DNAJB14: variants seen among roughly 807,000 people sequenced by gnomAD.
The protein encoded by DNAJB14 is DnaJ heat shock protein family (Hsp40) member B14, also known as dnaJ homolog subfamily B member 14.
DNAJB14 carries 22 observed loss-of-function variants against 48.4 expected under a neutral mutation model. That is an observed-to-expected ratio of 0.45 (90% CI 0.32 to 0.65). The LOEUF (loss-of-function observed/expected upper bound fraction) is 0.65, where lower values mean the gene tolerates loss of function less well. Among genes scored for constraint, DNAJB14 ranks in the 30% least tolerant of loss-of-function variants. DNAJB14 has a pLI of 0.03. For missense variants in DNAJB14, 319 were observed against 458.8 expected (o/e 0.70, Z 2.78); for synonymous variants, 142 against 158.7 (o/e 0.89, Z 0.79).
intron 3 of DNAJB14, among the ~76,000 whole-genome samples, chr4:99,922,288 G>C (rs533714328): frequency 3.3e-5 from 5 of 152,236 alleles, no homozygotes; most frequent in African/African-American, 1.2e-4. Flanking sequence ...TCTACTTCCA[G>C]TTATTCTAAG....
intron 1 of DNAJB14, 115 bp from the exon 2 acceptor site, chr4:99,930,736 C>T: frequency 8.7e-7 from 1 of 1,145,134 alleles, no homozygotes; most frequent in Admixed American, 2.8e-5. Context: ...AAAGATTCAC[C>T]ATAGGATCTT....
chr4:99,937,277 A>AC (rs1439108641), intron 1 of DNAJB14, among the ~76,000 whole-genome samples: 1 of 151,994 alleles, frequency 6.6e-6, no homozygotes, highest in African/African-American at 2.4e-5. Context: ...AGATCGCGCC[A>AC]TACACTCCAG....
At chr4:99,909,792 A>G (rs1044787920) in intron 3 of DNAJB14, among the ~76,000 whole-genome samples, 3 of 151,976 alleles carry the variant, frequency 2.0e-5, no homozygotes, top group Non-Finnish European at 4.4e-5. Flanking sequence ...GCCCCACATA[A>G]AAACTAATGT....
In DNAJB14 at chr4:99,907,371, T is replaced by C. The variant is rs1013737513; in HGVS notation, c.638-760A>G. 1.3e-5 allele frequency among the ~76,000 whole-genome samples: 2 copies of C among 152,246 alleles called. 1 individual carries two copies. Among genetic ancestry groups the C allele is most frequent in the African/African-American group, 4.8e-5 (2 of 41,562 alleles). On this transcript the variant is annotated intron_variant, in intron 4 of 7. Coordinates refer to ENST00000442697, the MANE Select transcript of DNAJB14 (RefSeq NM_001031723.4). ...TTCAAGGATGCTTTGCAAAACGTCC[T>C]ATCAATGACCACAACCTTGCCAGGC... is the stretch of plus-strand genomic sequence containing the variant.
At chr4:99,919,462 G>T (rs1725973198) in intron 3 of DNAJB14, among the ~76,000 whole-genome samples, 1 of 152,064 alleles carries the variant, frequency 6.6e-6, no homozygotes, top group African/African-American at 2.4e-5. Context: ...GCAGGCGCCT[G>T]TAATCCCAGC....
chr4:99,945,115 A>C (rs1389401000), intron 1 of DNAJB14, among the ~76,000 whole-genome samples: 2 of 152,230 alleles, frequency 1.3e-5, no homozygotes, highest in African/African-American at 4.8e-5. Context: ...AAGATGAAAA[A>C]GTTCTGAAGA....
intron 2 of DNAJB14, chr4:99,929,802 A>G (rs1265570209): frequency 2.0e-5 from 3 of 152,224 alleles, no homozygotes; most frequent in East Asian, 3.8e-4. Flanking sequence ...TAGCAAAGTA[A>G]TATCAGCACA....
intron 1 of DNAJB14, 105 bp from the exon 2 acceptor site, chr4:99,930,726 A>T (rs1407668943): frequency 8.0e-7 from 1 of 1,257,334 alleles, no homozygotes; most frequent in African/African-American, 1.5e-5. Flanking sequence ...TGTTCTCCAA[A>T]AAGATTCACC....
intron 7 of DNAJB14, among the ~76,000 whole-genome samples, chr4:99,903,432 C>A (rs948199299): frequency 6.6e-6 from 1 of 151,182 alleles, no homozygotes; most frequent in Non-Finnish European, 1.5e-5. Flanking sequence ...CTTGGTGGTA[C>A]ATAAAAGAAT....
chr4:99,924,796 G>C, intron 2 of DNAJB14: 4 of 1,592,258 alleles, frequency 2.5e-6, no homozygotes, highest in Non-Finnish European at 3.4e-6. Flanking sequence ...CCATATCAAT[G>C]TTCCAATATC....
chr4:99,945,973 A>G (rs969980583), intron 1 of DNAJB14, among the ~76,000 whole-genome samples: 3 of 152,222 alleles, frequency 2.0e-5, no homozygotes, highest in African/African-American at 4.8e-5. Context: ...CTTTGGGAAC[A>G]GTTTTCTACA....
At chr4:99,907,283 C>T (rs1215494387) in intron 4 of DNAJB14, among the ~76,000 whole-genome samples, 1 of 152,118 alleles carries the variant, frequency 6.6e-6, no homozygotes, top group African/African-American at 2.4e-5. Context: ...ATTATGTATT[C>T]TAACATGTCA....
chr4:99,941,373 C>T (rs1456538868), intron 1 of DNAJB14, among the ~76,000 whole-genome samples: 2 of 152,126 alleles, frequency 1.3e-5, no homozygotes, highest in African/African-American at 4.8e-5. Context: ...CAAATAATTA[C>T]TTTAACAAAT....
chr4:99,907,930 G>A (rs1725524693), intron 4 of DNAJB14, among the ~76,000 whole-genome samples: 2 of 152,158 alleles, frequency 1.3e-5, no homozygotes, highest in Admixed American at 6.5e-5. Flanking sequence ...ACGTCATCAA[G>A]AGGTCCTTGG....
In DNAJB14 at chr4:99,923,118, T is replaced by C. The variant is rs773829129; in HGVS notation, c.373A>G (p.Lys125Glu). 1 of 1,612,748 alleles carries C rather than the reference T, an allele frequency of 6.2e-7. No homozygotes were observed. Residue 125 changes from lysine (K) to glutamate (E), a missense_variant, in exon 3 of 8, where the codon AAA (lysine) becomes GAA (glutamate). Lys to Glu is a moderately conservative substitution (Grantham distance 56, BLOSUM62 1). This residue lies in a region of DNAJB14 where 37 missense variants were observed against 87.8 expected (regional missense o/e 0.42). Coordinates refer to ENST00000442697, the MANE Select transcript of DNAJB14 (RefSeq NM_001031723.4). The part of the protein sequence containing the change: ...VTKDAGDEDL[K>E]KAYRKLALKF... ...AAAGCAAGCTTTCTATAAGCTTTTT[T>C]CAAATCTTCATCACCAGCATCTTTC...
At chr4:99,906,647 C>A in intron 4 of DNAJB14, 36 bp from the exon 5 acceptor site, 4 of 1,472,216 alleles carry the variant, frequency 2.7e-6, no homozygotes, top group Non-Finnish European at 3.7e-6. Context: ...TTAGGGAGAG[C>A]AATTATGATC....
At chr4:99,928,554 G>A in intron 2 of DNAJB14, 1 of 441,124 alleles carries the variant, frequency 2.3e-6, no homozygotes, top group South Asian at 1.6e-5. Context: ...GAACAAAGAG[G>A]CATCAATGCT....
intron 4 of DNAJB14, 98 bp downstream of exon 4, chr4:99,908,613 A>G: frequency 1.1e-6 from 1 of 929,746 alleles, no homozygotes; most frequent in Non-Finnish European, 1.5e-6. Flanking sequence ...ACTACAAGAA[A>G]TGTAGGGGAA....
At chr4:99,927,209 C>T (rs778163489) in intron 2 of DNAJB14, 3 of 152,116 alleles carry the variant, frequency 2.0e-5, no homozygotes, top group Non-Finnish European at 4.4e-5. Flanking sequence ...TGGGAAAACT[C>T]TGCCTGGTCC....
Sources: allele counts gnomAD v4.1 joint callset (sites outside exome capture counted in the v4.1 genomes callset), GRCh38; gene constraint gnomAD v4.1.1; regional missense constraint gnomAD v4.1.1; transcripts MANE v1.5; gene names NCBI Gene and HGNC (gene_info 2026-07-23, HGNC 2026-07-21).